Variants in ITPR2 observed in about 807,000 individuals in gnomAD.
ITPR2 encodes the protein inositol 1,4,5-trisphosphate-gated calcium channel ITPR2.
Under a neutral mutation model 317.1 loss-of-function variants are expected in ITPR2, and 207 were observed. That is an observed-to-expected ratio of 0.65 (90% CI 0.58 to 0.73). The LOEUF (loss-of-function observed/expected upper bound fraction) is 0.73, where lower values mean the gene tolerates loss of function less well. ITPR2 is among the 30% of genes least tolerant of loss of function. ITPR2 has a pLI of 0.00. For missense variants in ITPR2, 2,613 were observed against 3,284.0 expected, an observed-to-expected ratio of 0.80 and a Z score of 4.99; for synonymous variants, 1,156 against 1,149.1, an observed-to-expected ratio of 1.01 and a Z score of -0.12.
chr12:26,670,269 C>G (rs748010873), intron 13 of ITPR2, among the ~76,000 whole-genome samples: 27 of 152,336 alleles, frequency 1.8e-4, no homozygotes, highest in Middle Eastern at 6.8e-3. Context: ...TGACCCCTGA[C>G]CCCTGAGCAG....
At chr12:26,758,462 C>A (rs1337433786) in intron 2 of ITPR2, among the ~76,000 whole-genome samples, 1 of 152,156 alleles carries the variant, frequency 6.6e-6, no homozygotes, top group Non-Finnish European at 1.5e-5. Context: ...AAACAGGATT[C>A]CCCATCTTAA....
intron 51 of ITPR2, among the ~76,000 whole-genome samples, chr12:26,412,504 T>C (rs1322250521): frequency 6.6e-6 from 1 of 152,150 alleles, no homozygotes; most frequent in Non-Finnish European, 1.5e-5. Context: ...TAATACTTAC[T>C]GAAGCATCCT....
At chr12:26,351,336 GGAGATGCATTTGAT>G in intron 55 of ITPR2, among the ~76,000 whole-genome samples, 1 of 152,244 alleles carries the variant, frequency 6.6e-6, no homozygotes, top group Admixed American at 6.5e-5. Flanking sequence ...CTAGGAATCT[GGAGATGCATTTGAT>G]GATGAAATGA....
At chr12:26,590,817 C>T (rs955770738) in intron 32 of ITPR2, among the ~76,000 whole-genome samples, 2 of 152,096 alleles carry the variant, frequency 1.3e-5, no homozygotes, top group African/African-American at 2.4e-5. Flanking sequence ...CAGTGGCTCA[C>T]GCCTGTAATC....
intron 55 of ITPR2, among the ~76,000 whole-genome samples, chr12:26,345,209 T>C (rs1237399823): frequency 6.6e-6 from 1 of 152,166 alleles, no homozygotes; most frequent in Non-Finnish European, 1.5e-5. Flanking sequence ...TGCTTTCTGT[T>C]CTCTTTTTTG....
At chr12:26,517,304 A>G (rs1943549321) in intron 37 of ITPR2, among the ~76,000 whole-genome samples, 1 of 152,242 alleles carries the variant, frequency 6.6e-6, no homozygotes, top group Non-Finnish European at 1.5e-5. Context: ...GCATCCAATG[A>G]AAGTATAATA....
intron 36 of ITPR2, among the ~76,000 whole-genome samples, 165 bp from the exon 37 acceptor site, chr12:26,550,520 T>A (rs1339245932): frequency 6.6e-6 from 1 of 152,118 alleles, no homozygotes; most frequent in African/African-American, 2.4e-5. Flanking sequence ...GCTTATAAAT[T>A]TTGTATTACA....
At chr12:26,483,308 G>C (rs372105063) in intron 42 of ITPR2, among the ~76,000 whole-genome samples, 2 of 152,126 alleles carry the variant, frequency 1.3e-5, no homozygotes, top group African/African-American at 4.8e-5. Flanking sequence ...TAGAAATAAT[G>C]ATACCTATTC....
chr12:26,729,632 T>A (rs1948993868), intron 2 of ITPR2, among the ~76,000 whole-genome samples: 1 of 152,062 alleles, frequency 6.6e-6, no homozygotes. Flanking sequence ...CATAAAAGAA[T>A]GAGATCATGT....
At chr12:26,634,414 G>T (rs1946820530) in intron 21 of ITPR2, among the ~76,000 whole-genome samples, 1 of 152,110 alleles carries the variant, frequency 6.6e-6, no homozygotes, top group Admixed American at 6.6e-5. Flanking sequence ...AATATTGACT[G>T]GAAAGTTTTC....
intron 13 of ITPR2, among the ~76,000 whole-genome samples, chr12:26,672,226 C>A (rs1283983458): frequency 3.3e-5 from 5 of 151,306 alleles, no homozygotes; most frequent in Non-Finnish European, 7.4e-5. Flanking sequence ...GAACTCTCCA[C>A]CCCAAATCAA....
intron 37 of ITPR2, among the ~76,000 whole-genome samples, chr12:26,497,302 C>T (rs962015107): frequency 3.3e-5 from 5 of 151,794 alleles, no homozygotes; most frequent in East Asian, 4.0e-4. Flanking sequence ...AACAGGTGCC[C>T]GCCACCACAC....
At chr12:26,708,973 A>G (rs544162882) in intron 9 of ITPR2, among the ~76,000 whole-genome samples, 142 of 152,340 alleles carry the variant, frequency 9.3e-4, no homozygotes, top group African/African-American at 3.2e-3. Flanking sequence ...ACGTGTAATC[A>G]TTGCTTCTCA....
chr12:26,456,982 T>C (rs967985558), intron 45 of ITPR2, among the ~76,000 whole-genome samples: 6 of 152,178 alleles, frequency 3.9e-5, no homozygotes, highest in Non-Finnish European at 8.8e-5. Context: ...CTAGTAACAA[T>C]TCTATAATTG....
intron 2 of ITPR2, among the ~76,000 whole-genome samples, chr12:26,772,684 T>A (rs1224453421): frequency 6.6e-6 from 1 of 150,866 alleles, no homozygotes; most frequent in African/African-American, 2.4e-5. Flanking sequence ...TGGTACCGTA[T>A]GTGCACATGG....
intron 55 of ITPR2, among the ~76,000 whole-genome samples, chr12:26,363,275 T>C (rs935007068): frequency 1.3e-5 from 2 of 152,128 alleles, no homozygotes; most frequent in Admixed American, 1.3e-4. Context: ...TCTGTCACTG[T>C]CTCCCATCAC....
At position 26,411,309 on chromosome 12, in the gene ITPR2, T is replaced by C. The variant is rs1940540043; in HGVS notation, c.7399+11A>G. The C allele has an allele frequency of 3.8e-6, 6 of 1,597,552 alleles. No homozygotes were observed. Among genetic ancestry groups the C allele is most frequent in the Admixed American group, 1.7e-5 (1 of 59,886 alleles). ...TCAAGTTCATACTGACCCAGAGTCC[T>C]TTCTACAAACCTGTATTTGAAGCTG... On this transcript the variant is annotated intron_variant, in intron 52 of 56. Coordinates refer to ENST00000381340, the MANE Select transcript of ITPR2 (RefSeq NM_002223.4).
Position 26,483,950 on chromosome 12 carries a change from A to G in ITPR2, c.5812-52T>C, listed in dbSNP as rs1373112220. The G allele has an allele frequency of 2.7e-6, 4 of 1,472,352 alleles. No individual in the cohort carries two copies. The Admixed American group carries it at 6.8e-5, about 25-fold the overall frequency. The allele number at this position is 1,472,352 out of a possible 1,614,324, so 91.2% of individuals were successfully genotyped here. On this transcript the variant is annotated intron_variant, in intron 41 of 56. Transcript: ENST00000381340. The stretch of plus-strand genomic sequence containing the variant: ...AGGGTTACAAAAATTCACTGTGCTG[A>G]TTGTTTGCTGTTCTTCCCATATGTG...
At chr12:26,350,269 C>G (rs1304399152) in intron 55 of ITPR2, among the ~76,000 whole-genome samples, 1 of 152,170 alleles carries the variant, frequency 6.6e-6, no homozygotes, top group African/African-American at 2.4e-5. Flanking sequence ...TCAGGAAGAA[C>G]ACTGGGCTCT....
Sources: gnomAD v4.1 joint callset for allele counts (sites outside exome capture counted in the v4.1 genomes callset) on GRCh38, gnomAD v4.1.1 for gene constraint, MANE v1.5 for transcripts, NCBI Gene and HGNC (gene_info 2026-07-23, HGNC 2026-07-21) for gene names.